HCN2: variants seen among roughly 807,000 people sequenced by gnomAD.
HCN2 encodes potassium/sodium hyperpolarization-activated cyclic nucleotide-gated channel 2.
Under a neutral mutation model 52.3 loss-of-function variants are expected in HCN2, and 20 were observed. That is an observed-to-expected ratio of 0.38 (90% confidence interval 0.27 to 0.56). HCN2 has a LOEUF of 0.56. Among genes scored for constraint, HCN2 ranks in the 20% least tolerant of loss-of-function variants. The pLI is 0.71. For synonymous variants in HCN2, 694 were observed against 537.0 expected (o/e 1.29, Z -4.04); for missense variants, 981 against 1,207.7 (o/e 0.81, Z 2.78).
In HCN2 at chr19:616,387, G is replaced by A. The variant is rs1340883728; in HGVS notation, c.2583G>A (p.Pro861=). 6 of 1,232,794 alleles carry A rather than the reference G, an allele frequency of 4.9e-6. No homozygotes were observed. Among genetic ancestry groups the A allele is most frequent in the South Asian group, 2.2e-5 (1 of 46,086 alleles). The allele number at this position is 1,232,794 out of a possible 1,614,324, so 76.4% of individuals were successfully genotyped here. Residue 861 remains proline, a synonymous_variant, in exon 8 of 8, where the codon CCG becomes CCA. Coordinates refer to ENST00000251287, the MANE Select transcript of HCN2 (RefSeq NM_001194.4). Reference sequence around the variant, plus strand: ...CTGCCCGGGCCGCCGCGCCCAGCCCGGACCGCAGGGACTCGGCCTCACCCG... The same window carrying A: ...CTGCCCGGGCCGCCGCGCCCAGCCCAGACCGCAGGGACTCGGCCTCACCCG... ...TPAARAAAPS[P]DRRDSASPGA...
chr19:590,056 G>A lies in HCN2; in HGVS notation c.111G>A (p.Pro37=). The change falls in exon 1 of 8, where the codon CCG becomes CCA. Residue 37 remains proline, a synonymous_variant. Transcript: ENST00000251287. The surrounding 1 kb of genome is among the most constrained non-coding windows in gnomAD (Gnocchi z 7.2). ...PPAPPQQQPP[P]PPPPAPPPGP... ...CGCCCCCCCAACAGCAGCCGCCGCC[G>A]CCGCCGCCGCCCGCGCCCCCCCCGG... 5 of 659,410 alleles carry A rather than the reference G, an allele frequency of 7.6e-6. No homozygotes were observed. The highest frequency in any genetic ancestry group is 9.2e-6 in the Non-Finnish European group (5 of 543,498). 40.8% of individuals were successfully genotyped at this position (659,410 alleles called of 1,614,324 possible). A position where few individuals can be genotyped will look rare whatever the true frequency, so the allele number is the denominator to read the frequency against.
At chr19:606,301 A>G (rs1983427166) in intron 3 of HCN2, among the ~76,000 whole-genome samples, 1 of 151,890 alleles carries the variant, frequency 6.6e-6, no homozygotes, top group African/African-American at 2.4e-5. Context: ...GGGTCTCGCC[A>G]TGTTGGTCAG....
At chr19:614,804 G>A (rs1238689505) in intron 7 of HCN2, among the ~76,000 whole-genome samples, 1 of 152,128 alleles carries the variant, frequency 6.6e-6, no homozygotes, top group African/African-American at 2.4e-5. Flanking sequence ...CGGTGACCTG[G>A]CCTCTCAGGG....
rs1187593108 is a variant in HCN2 at position 612,867 on chromosome 19, C to T, written c.1585-381C>T. On this transcript the variant is annotated intron_variant, in intron 5 of 7. Coordinates refer to ENST00000251287, the MANE Select transcript of HCN2 (RefSeq NM_001194.4). ...CTGTTTTTTTTTTTTCCGGTAGAGA[C>T]GGGGGTCTTACCGTGTTGCCCAGGC... 6.8e-5 allele frequency among the ~76,000 whole-genome samples: 10 copies of T among 147,318 alleles called. 1 individual carries two copies. The East Asian group carries it at 2.0e-3, about 29-fold the overall frequency.
intron 4 of HCN2, among the ~76,000 whole-genome samples, chr19:608,768 G>A (rs369930895): frequency 2.0e-5 from 3 of 152,102 alleles, no homozygotes; most frequent in East Asian, 1.9e-4. Flanking sequence ...AGGGCCTGGC[G>A]GGGTCTGAGA....
chr19:607,112 C>T (rs978272309), intron 3 of HCN2, among the ~76,000 whole-genome samples: 5 of 151,392 alleles, frequency 3.3e-5, no homozygotes, highest in East Asian at 2.0e-4. Context: ...CGGAGGCTGC[C>T]GTGAGCCAAG....
chr19:613,178 C>T (rs1983719957), intron 5 of HCN2, 70 bp from the exon 6 acceptor site: 20 of 1,527,706 alleles, frequency 1.3e-5, no homozygotes, highest in Non-Finnish European at 1.8e-5. Context: ...GTGAGCCGGT[C>T]CCAGAGGCAG....
rs574770081 is a variant in HCN2 at position 595,485 on chromosome 19, G to A, written c.632+4908G>A. On this transcript the variant is annotated intron_variant, in intron 1 of 7. Transcript: ENST00000251287. The stretch of plus-strand genomic sequence containing the variant: ...TCCCCTGGTCCCGAGGCCGCCCACC[G>A]GCCTTGAAGGGAACCCGGAGCATCA... 9.2e-5 allele frequency among the ~76,000 whole-genome samples: 14 copies of A among 151,788 alleles called. No homozygotes were observed. In the East Asian group the frequency reaches 1.8e-3, roughly 19 times the overall value.
intron 5 of HCN2, 22 bp from the exon 6 acceptor site, chr19:613,226 C>G: frequency 6.2e-7 from 1 of 1,600,790 alleles, no homozygotes; most frequent in Non-Finnish European, 8.5e-7. Context: ...GCAGCGGACC[C>G]AGCCCTGCCT....
Position 616,035 on chromosome 19 carries a change from G to A in HCN2, c.2231G>A (p.Arg744Gln), listed in dbSNP as rs1029397684. Residue 744 changes from arginine (R) to glutamine (Q), a missense_variant, in exon 8 of 8, where the codon CGG becomes CAG. Around this residue, in one of 6 missense-constraint regions of HCN2, gnomAD observed 368 missense variants for 314.8 expected, o/e 1.17. Coordinates refer to ENST00000251287, the MANE Select transcript of HCN2 (RefSeq NM_001194.4). ...ATGAGCTTCTGCCCGCAGGTGGCGC[G>A]GCCGCTCGTGGGGCCGCTGGCGCTC... ...AAMSFCPQVA[R>Q]PLVGPLALGS... is the part of the protein sequence containing the mutation. The A allele has an allele frequency of 4.6e-6, 6 of 1,302,004 alleles. No homozygotes were observed. The highest frequency in any genetic ancestry group is 2.3e-5 in the South Asian group (1 of 43,218). 80.7% of individuals were successfully genotyped at this position (1,302,004 alleles called of 1,614,324 possible).
intron 1 of HCN2, among the ~76,000 whole-genome samples, chr19:602,285 ACTC>A (rs1983230372): frequency 2.6e-5 from 2 of 76,800 alleles, no homozygotes; most frequent in African/African-American, 1.0e-4. Flanking sequence ...TGGACGCCCC[ACTC>A]CCTCCTCTCT....
intron 1 of HCN2, among the ~76,000 whole-genome samples, chr19:596,191 G>A (rs973728109): frequency 6.6e-6 from 1 of 152,242 alleles, no homozygotes; most frequent in Admixed American, 6.5e-5. Context: ...CTGAGCTCGG[G>A]GCAGGAGAAT....
At chr19:595,431 C>T (rs993373208) in intron 1 of HCN2, among the ~76,000 whole-genome samples, 1 of 152,308 alleles carries the variant, frequency 6.6e-6, no homozygotes, top group African/African-American at 2.4e-5. Flanking sequence ...CCTCTACCTC[C>T]TCCCTGGCTC....
In HCN2 at chr19:605,167, T is replaced by G. The variant is rs773296554; in HGVS notation, c.1163T>G (p.Val388Gly). The change falls in exon 3 of 8, where the codon GTG (valine) becomes GGG (glycine). Residue 388 changes from valine to glycine, a missense_variant. Coordinates refer to ENST00000251287, the MANE Select transcript of HCN2 (RefSeq NM_001194.4). ...TGGGACGGCTGCCTGCAGTTCCTGG[T>G]GCCTATGCTGCAGGACTTCCCGCGC... ...CHWDGCLQFL[V>G]PMLQDFPRNC... 6.2e-7 allele frequency: 1 copy of G among 1,611,420 alleles called. No individual in the cohort carries two copies. The highest frequency in any genetic ancestry group is 8.5e-7 in the Non-Finnish European group (1 of 1,179,568).
intron 5 of HCN2, among the ~76,000 whole-genome samples, chr19:612,395 T>TGGGTGGGTGG (rs1309811893): frequency 3.1e-4 from 12 of 38,468 alleles, no homozygotes; most frequent in African/African-American, 1.2e-3. Flanking sequence ...TTTCCACTGG[T>TGGGTGGGTGG]GTGTGTGTGT....
rs756441487 is a variant in HCN2, at chr19:608,056, C to T, written c.1311C>T (p.Ser437=). The T allele has an allele frequency of 6.2e-7, 1 of 1,613,048 alleles. No homozygotes were observed. The highest frequency in any genetic ancestry group is 8.5e-7 in the Non-Finnish European group (1 of 1,180,024). The change falls in exon 4 of 8, where the codon AGC becomes AGT. Residue 437 remains serine, a synonymous_variant. Transcript: ENST00000251287. ...CIGYGRQAPE[S]MTDIWLTMLS... ...GGTACGGCCGGCAGGCGCCCGAGAG[C>T]ATGACGGACATCTGGCTGACCATGC... is the stretch of plus-strand genomic sequence containing the variant.
intron 5 of HCN2, among the ~76,000 whole-genome samples, chr19:612,459 G>A (rs115719077): frequency 0.011 from 1,525 of 143,886 alleles, 29 homozygotes; most frequent in African/African-American, 0.037. Flanking sequence ...TCTGTCACCC[G>A]GGCTCCAGTG....
In HCN2 at chr19:613,865, C is replaced by G. The variant is rs753578170; in HGVS notation, c.1839C>G (p.Leu613=). ...DGSYFGEICL[L]TRGRRTASVR... is the part of the protein sequence containing the mutation. ...CGCCACGTGCAGAGATCTGCCTGCT[C>G]ACCCGGGGCCGCCGCACGGCGAGCG... is the stretch of plus-strand genomic sequence containing the variant. The change falls in exon 7 of 8, where the codon CTC becomes CTG. Residue 613 remains leucine (L), a synonymous_variant. Transcript: ENST00000251287. 1 of 1,587,248 alleles carries G rather than the reference C, an allele frequency of 6.3e-7. No homozygotes were observed. Among genetic ancestry groups the G allele is most frequent in the Non-Finnish European group, 8.6e-7 (1 of 1,168,156 alleles).
Position 592,927 on chromosome 19 carries a change from G to A in HCN2, c.632+2350G>A, listed in dbSNP as rs1982914965. 6.6e-6 allele frequency among the ~76,000 whole-genome samples: 1 copy of A among 152,146 alleles called. No homozygotes were observed. Among genetic ancestry groups the A allele is most frequent in the African/African-American group, 2.4e-5 (1 of 41,430 alleles). ...GCCTGGCTGGGTGTCTTGGGTCCTC[G>A]CTGGGCCCCTCTGCCTCAGTTTCCC... On this transcript the variant is annotated intron_variant, in intron 1 of 7. Transcript: ENST00000251287. This position sits in a 1 kb window ranked among gnomAD's most constrained non-coding sequence, Gnocchi z 4.8.
Sources: gnomAD v4.1 joint callset for allele counts (sites outside exome capture counted in the v4.1 genomes callset) on GRCh38, gnomAD v4.1.1 for gene constraint, gnomAD v4.1.1 regional missense constraint, Gnocchi (gnomAD v3.1) non-coding constraint, MANE v1.5 for transcripts, NCBI Gene and HGNC (gene_info 2026-07-23, HGNC 2026-07-21) for gene names.